Variants in UNC13A observed in about 807,000 individuals in gnomAD.
The protein encoded by UNC13A is protein unc-13 homolog A.
Under a neutral mutation model 219.7 loss-of-function variants are expected in UNC13A, and 61 were observed. The observed-to-expected ratio is 0.28, with a 90% confidence interval of 0.23 to 0.34. The LOEUF is 0.34. Among genes scored for constraint, UNC13A ranks in the 10% least tolerant of loss-of-function variants. The probability of loss-of-function intolerance (pLI) is 1.00; values close to 1 mark genes in which losing one functional copy is unlikely to be tolerated. For synonymous variants in UNC13A, 920 were observed against 884.6 expected (o/e 1.04, Z -0.71); for missense variants, 1,476 against 2,270.3 (o/e 0.65, Z 7.11).
At chr19:17,645,331 A>T (rs1474420628) in intron 19 of UNC13A, among the ~76,000 whole-genome samples, 2 of 152,068 alleles carry the variant, frequency 1.3e-5, no homozygotes, top group Non-Finnish European at 2.9e-5. Context: ...CTTAAAGCTC[A>T]ATCTTCTTTC....
intron 43 of UNC13A, 65 bp downstream of exon 43, chr19:17,609,875 T>C: frequency 1.2e-6 from 2 of 1,601,750 alleles, no homozygotes; most frequent in Middle Eastern, 2.2e-4. Flanking sequence ...CTAGCTGGCT[T>C]TGGGGTTCAC....
Position 17,627,688 on chromosome 19 carries a change from A to G in UNC13A, c.3832-91T>C. 11 of 1,271,920 alleles carry G rather than the reference A, an allele frequency of 8.6e-6. No individual in the cohort carries two copies. The highest frequency in any genetic ancestry group is 1.2e-5 in the Non-Finnish European group (11 of 898,862). The allele number at this position is 1,271,920 out of a possible 1,614,324, so 78.8% of individuals were successfully genotyped here. ...ATCTGACCCAGGGAAAGGGATCCCA[A>G]GGGGCTGCAGGGGAAACTGAGGCAC... On this transcript the variant is annotated intron_variant, in intron 32 of 43. Coordinates refer to ENST00000519716, the MANE Select transcript of UNC13A (RefSeq NM_001080421.3). This position sits in a 1 kb window ranked among gnomAD's most constrained non-coding sequence, Gnocchi z 4.7.
chr19:17,641,244 C>G lies in UNC13A; in HGVS notation c.2636+149G>C, dbSNP rs557075736. 7.7e-4 allele frequency: 755 copies of G among 977,502 alleles called. 7 individuals are homozygous for G. Among genetic ancestry groups the G allele is most frequent in the Middle Eastern group, 7.6e-3 (26 of 3,412 alleles). 60.6% of individuals were successfully genotyped at this position (977,502 alleles called of 1,614,324 possible). A position where few individuals can be genotyped will look rare whatever the true frequency, so the allele number is the denominator to read the frequency against. On this transcript the variant is annotated intron_variant, in intron 21 of 43. Coordinates refer to ENST00000519716, the MANE Select transcript of UNC13A (RefSeq NM_001080421.3). ...CTCCAGGTGTCAATCACAGCGCTCTCCTGATCTCCAGGGGAATTACGGAAC... is the reference window on the plus strand; with the variant it reads ...CTCCAGGTGTCAATCACAGCGCTCTGCTGATCTCCAGGGGAATTACGGAAC...
chr19:17,631,158 CCTCCCTCCCTCCCTCCCTCCTTTCCT>C (rs2076843437), intron 28 of UNC13A, among the ~76,000 whole-genome samples: 1 of 21,806 alleles, frequency 4.6e-5, no homozygotes, highest in Non-Finnish European at 1.2e-4. Context: ...TTGTTTTCTC[CCTCCCTCCCTCCCTCCCTCCTTTCCT>C]TCCTTCCCTC....
chr19:17,609,916 C>T (rs763942347), intron 43 of UNC13A, 24 bp downstream of exon 43: 2 of 1,612,124 alleles, frequency 1.2e-6, no homozygotes, highest in East Asian at 2.2e-5. Context: ...TGCCCCCATG[C>T]TCTTCAAAGC....
intron 25 of UNC13A, 38 bp from the exon 26 acceptor site, chr19:17,636,195 C>CA: frequency 1.3e-6 from 2 of 1,550,374 alleles, no homozygotes; most frequent in Non-Finnish European, 1.8e-6. Context: ...ATAGGGGGTC[C>CA]AGAGGTTGGT....
chr19:17,632,429 C>G (rs1233018974), intron 28 of UNC13A, among the ~76,000 whole-genome samples: 1 of 152,234 alleles, frequency 6.6e-6, no homozygotes, highest in African/African-American at 2.4e-5. Flanking sequence ...CTGCCTCAGT[C>G]TCCCAGATTG....
chr19:17,680,089 G>C (rs576876188), intron 1 of UNC13A, among the ~76,000 whole-genome samples: 30 of 151,952 alleles, frequency 2.0e-4, no homozygotes, highest in African/African-American at 7.0e-4. Context: ...GTGGCGAGGG[G>C]GTTCTCAGGA....
rs1451878016 is a variant in UNC13A, at chr19:17,672,447, C to T, written c.201G>A (p.Lys67=). Residue 67 remains lysine, a synonymous_variant, in exon 4 of 44, where the codon AAG becomes AAA. Transcript: ENST00000519716. Reference sequence around the variant, plus strand: ...CCACCATTGTGTCCCAGATGAGACCCTTATTCCACACCTCCACCGTCAGTC... The same window carrying T: ...CCACCATTGTGTCCCAGATGAGACCTTTATTCCACACCTCCACCGTCAGTC... ...DLGLTVEVWN[K]GLIWDTMVGT... is the part of the protein sequence containing the mutation. 1 of 1,613,922 alleles carries T rather than the reference C, an allele frequency of 6.2e-7. No homozygotes were observed. Among genetic ancestry groups the T allele is most frequent in the Non-Finnish European group, 8.5e-7 (1 of 1,179,868 alleles).
At chr19:17,686,923 T>A (rs1755879319) in intron 1 of UNC13A, among the ~76,000 whole-genome samples, 1 of 151,916 alleles carries the variant, frequency 6.6e-6, no homozygotes, top group South Asian at 2.1e-4. Context: ...ACGCTTCCTG[T>A]CGCCCGAGGT....
intron 1 of UNC13A, among the ~76,000 whole-genome samples, chr19:17,684,236 C>T (rs778963116): frequency 2.6e-5 from 4 of 152,194 alleles, no homozygotes; most frequent in African/African-American, 4.8e-5. Flanking sequence ...CCCTCCTGCT[C>T]ATCTCCCCCT....
At position 17,618,457 on chromosome 19, in the gene UNC13A, C is replaced by T; in HGVS notation, c.4374G>A (p.Gln1458=). ...REEAKSLTPK[Q]CAVVELALDT... is the part of the protein sequence containing the mutation. ...CCAGGGCCAACTCAACAACCGCGCA[C>T]TGCTTTGGGGTCAAGCTCTTGGCTT... Residue 1458 remains glutamine (Q), a synonymous_variant, in exon 40 of 44, where the codon CAG becomes CAA. Coordinates refer to ENST00000519716, the MANE Select transcript of UNC13A (RefSeq NM_001080421.3). 1 of 1,592,944 alleles carries T rather than the reference C, an allele frequency of 6.3e-7. No individual in the cohort carries two copies. Among genetic ancestry groups the T allele is most frequent in the Non-Finnish European group, 8.6e-7 (1 of 1,169,514 alleles).
At chr19:17,669,503 T>A (rs371521092) in intron 5 of UNC13A, 50 bp downstream of exon 5, 22 of 1,597,984 alleles carry the variant, frequency 1.4e-5, no homozygotes, top group Non-Finnish European at 1.7e-5. Context: ...GCTGAGTGAG[T>A]CCACAACTGG....
chr19:17,623,342 G>A, intron 36 of UNC13A, 200 bp downstream of exon 36: 1 of 507,262 alleles, frequency 2.0e-6, no homozygotes, highest in Non-Finnish European at 3.5e-6. Context: ...AGGGAGGGTG[G>A]GCGTGGTCTC....
rs1452312772 is a variant in UNC13A at position 17,621,093 on chromosome 19, C to T, written c.4243-371G>A. Among the ~76,000 whole-genome samples, 4 of 152,078 alleles carry T rather than the reference C, an allele frequency of 2.6e-5. No individual in the cohort carries two copies. The East Asian group carries it at 7.7e-4, about 29-fold the overall frequency. ...CCCTATATCCCAGCACCCAAGTCTA[C>T]AAAAAACATATTAACATATACTGTA... is the stretch of plus-strand genomic sequence containing the variant. On this transcript the variant is annotated intron_variant, in intron 37 of 43. Coordinates refer to ENST00000519716, the MANE Select transcript of UNC13A (RefSeq NM_001080421.3).
In UNC13A at chr19:17,606,120, C is replaced by T. The variant is rs748184528; in HGVS notation, c.5046G>A (p.Lys1682=). ...TGTCCGACTTGAGCTTCACGAACTC[C>T]TTGGCCACCTCGTCGTTGCTGCGCT... ...LSQRSNDEVA[K]EFVKLKSDTR... The change falls in exon 44 of 44, where the codon AAG becomes AAA. Residue 1682 remains lysine (K), a synonymous_variant. Transcript: ENST00000519716. 6 of 1,597,068 alleles carry T rather than the reference C, an allele frequency of 3.8e-6. No individual in the cohort carries two copies. The Admixed American group carries it at 6.8e-5, about 18-fold the overall frequency.
chr19:17,629,371 C>T lies in UNC13A; in HGVS notation c.3670-48G>A, dbSNP rs1350509359. 4 of 1,545,462 alleles carry T rather than the reference C, an allele frequency of 2.6e-6. No individual in the cohort carries two copies. The East Asian group carries it at 9.2e-5, about 36-fold the overall frequency. On this transcript the variant is annotated intron_variant, in intron 30 of 43. Transcript: ENST00000519716. ...GTGAGAGGAGAGGCTGGCACCAAGGCAGGCGCCAGTCGTCCCATCAAGGCC... is the reference window on the plus strand; with the variant it reads ...GTGAGAGGAGAGGCTGGCACCAAGGTAGGCGCCAGTCGTCCCATCAAGGCC...
Position 17,648,633 on chromosome 19 carries a change from C to T in UNC13A, c.1614G>A (p.Lys538=). The change falls in exon 16 of 44, where the codon AAG becomes AAA. Residue 538 remains lysine, a synonymous_variant. Transcript: ENST00000519716. ...GGTAGATTAAGGCTTGCAGGGTCTTCTTGTAAACGTGGTTTTTCTGCAGGG... is the reference window on the plus strand; with the variant it reads ...GGTAGATTAAGGCTTGCAGGGTCTTTTTGTAAACGTGGTTTTTCTGCAGGG... ...NNEELKNHVY[K]KTLQALIYPI... The T allele has an allele frequency of 6.2e-7, 1 of 1,606,560 alleles. No individual in the cohort carries two copies. Among genetic ancestry groups the T allele is most frequent in the East Asian group, 2.2e-5 (1 of 44,678 alleles).
Position 17,674,860 on chromosome 19 carries a change from C to T in UNC13A, c.53-104G>A, listed in dbSNP as rs550505450. 4 of 935,914 alleles carry T rather than the reference C, an allele frequency of 4.3e-6. No homozygotes were observed. In the East Asian group the frequency reaches 1.0e-4, roughly 24 times the overall value. The allele number at this position is 935,914 out of a possible 1,614,324, so 58.0% of individuals were successfully genotyped here. On this transcript the variant is annotated intron_variant, in intron 2 of 43. Coordinates refer to ENST00000519716, the MANE Select transcript of UNC13A (RefSeq NM_001080421.3). This position sits in a 1 kb window ranked among gnomAD's most constrained non-coding sequence, Gnocchi z 5.0. Reference sequence around the variant, plus strand: ...TGTGATCCCCTCAGGAATTTCTGGGCCACTCACCCCCTAACCCACAACCCC... The same window carrying T: ...TGTGATCCCCTCAGGAATTTCTGGGTCACTCACCCCCTAACCCACAACCCC...
Sources: allele counts gnomAD v4.1 joint callset (sites outside exome capture counted in the v4.1 genomes callset), GRCh38; gene constraint gnomAD v4.1.1; non-coding constraint Gnocchi (gnomAD v3.1); transcripts MANE v1.5; gene names NCBI Gene and HGNC (gene_info 2026-07-23, HGNC 2026-07-21).